The following SLC22A6 variants were observed in gnomAD, a reference collection of about 807,000 sequenced individuals.
SLC22A6 encodes the protein PAH transporter.
SLC22A6 carries 45 observed loss-of-function variants against 56.7 expected under a neutral mutation model. That is an observed-to-expected ratio of 0.79 (90% CI 0.63 to 1.02). SLC22A6 has a LOEUF of 1.02. SLC22A6 is among the 50% of genes least tolerant of loss of function. The pLI is 0.00. For synonymous variants in SLC22A6, 291 were observed against 295.9 expected, an observed-to-expected ratio of 0.98 and a Z score of 0.17; for missense variants, 606 against 713.8, an observed-to-expected ratio of 0.85 and a Z score of 1.72.
chr11:62,981,923 C>A lies in SLC22A6; in HGVS notation c.716G>T (p.Gly239Val). 2 of 1,614,140 alleles carry A rather than the reference C, an allele frequency of 1.2e-6. No homozygotes were observed. The highest frequency in any genetic ancestry group is 1.7e-6 in the Non-Finnish European group (2 of 1,180,014). Reference sequence around the variant, plus strand: ...CCAGTGGGGCACAGCGTAGGCCACACCAGCCAGGAGGAACTGGCCCAGGCT... The same window carrying A: ...CCAGTGGGGCACAGCGTAGGCCACAACAGCCAGGAGGAACTGGCCCAGGCT... The part of the protein sequence containing the change: ...VYSLGQFLLA[G>V]VAYAVPHWRH... Residue 239 changes from glycine to valine, a missense_variant, in exon 4 of 10, where the codon GGT becomes GTT. Coordinates refer to ENST00000360421, the MANE Select transcript of SLC22A6 (RefSeq NM_153276.3).
intron 1 of SLC22A6, 65 bp downstream of exon 1, chr11:62,984,257 T>TA: frequency 6.4e-7 from 1 of 1,550,762 alleles, no homozygotes. Flanking sequence ...TACTTTTTTT[T>TA]TTTTTTTAAC....
chr11:62,982,465 GC>G (rs1282035349), intron 3 of SLC22A6, among the ~76,000 whole-genome samples: 1 of 152,088 alleles, frequency 6.6e-6, no homozygotes, highest in African/African-American at 2.4e-5. Context: ...GTCTGGAGAG[GC>G]CTACCTCCTG....
chr11:62,976,663 G>A lies in SLC22A6; in HGVS notation c.*131C>T. The A allele has an allele frequency of 1.4e-6, 1 of 690,480 alleles. No individual in the cohort carries two copies. Among genetic ancestry groups the A allele is most frequent in the Non-Finnish European group, 2.4e-6 (1 of 408,536 alleles). 42.8% of individuals were successfully genotyped at this position (690,480 alleles called of 1,614,324 possible). ...GTTTATAAAGGGAGGTGGACCCCTG[G>A]GAAGATGCTTTCCTGAACCACAACC... is the stretch of plus-strand genomic sequence containing the variant. On this transcript the variant is annotated 3_prime_UTR_variant, in exon 10 of 10. Transcript: ENST00000360421.
At chr11:62,982,033 A>T in intron 3 of SLC22A6, 23 bp from the exon 4 acceptor site, 2 of 1,606,504 alleles carry the variant, frequency 1.2e-6, no homozygotes, top group Non-Finnish European at 1.7e-6. Flanking sequence ...TTAAGACAGG[A>T]TGCTGCAACT....
At chr11:62,981,540 C>G (rs1356559179) in intron 4 of SLC22A6, among the ~76,000 whole-genome samples, 157 bp from the exon 5 acceptor site, 1 of 152,154 alleles carries the variant, frequency 6.6e-6, no homozygotes, top group African/African-American at 2.4e-5. Flanking sequence ...GACCACGAGG[C>G]AGTGCCCAGC....
chr11:62,984,695 C>T lies in SLC22A6; in HGVS notation c.-5G>A, dbSNP rs1284710359. 1 of 1,611,024 alleles carries T rather than the reference C, an allele frequency of 6.2e-7. No homozygotes were observed. Among genetic ancestry groups the T allele is most frequent in the East Asian group, 2.2e-5 (1 of 44,846 alleles). ...CAGGAGGTCATTAAAGGCCATTGGGCCAGGCCCAGCCCAGTGGCTGGGGGC... is the reference window on the plus strand; with the variant it reads ...CAGGAGGTCATTAAAGGCCATTGGGTCAGGCCCAGCCCAGTGGCTGGGGGC... On this transcript the variant is annotated 5_prime_UTR_variant, in exon 1 of 10. Transcript: ENST00000360421.
At chr11:62,981,809 T>A in intron 4 of SLC22A6, 33 bp downstream of exon 4, 1 of 1,574,146 alleles carries the variant, frequency 6.4e-7, no homozygotes. Flanking sequence ...TGGGCTCCTG[T>A]GGCAACCACC....
chr11:62,982,196 A>G (rs1431108240), intron 3 of SLC22A6, among the ~76,000 whole-genome samples, 186 bp from the exon 4 acceptor site: 2 of 150,958 alleles, frequency 1.3e-5, no homozygotes, highest in Admixed American at 6.6e-5. Context: ...TGGGTTCAGA[A>G]TATCTGGGAA....
rs1485293667 is a variant in SLC22A6 at position 62,981,364 on chromosome 11, G to A, written c.817C>T (p.Arg273Cys). 8 of 1,589,500 alleles carry A rather than the reference G, an allele frequency of 5.0e-6. No homozygotes were observed. Among genetic ancestry groups the A allele is most frequent in the Admixed American group, 3.5e-5 (2 of 56,662 alleles). The change falls in exon 5 of 10, where the codon CGC becomes TGC. Residue 273 changes from arginine to cysteine, a missense_variant. Transcript: ENST00000360421. ...IYSWFFIESA[R>C]WHSSSGRLDL... The stretch of plus-strand genomic sequence containing the variant: ...AGCCTCCCGGAGGAGGAGTGCCAGC[G>A]GGCCGACTCAATGAAGAACCTGGGA...
At chr11:62,984,288 C>T in intron 1 of SLC22A6, 34 bp downstream of exon 1, 1 of 1,599,428 alleles carries the variant, frequency 6.3e-7, no homozygotes, top group Non-Finnish European at 8.5e-7. Flanking sequence ...ATCTTCCCAT[C>T]TTGGCCCCTG....
intron 1 of SLC22A6, 50 bp downstream of exon 1, chr11:62,984,272 G>GCCCCCATCTTCCCATCTTGGC (rs2086290939): frequency 3.2e-6 from 5 of 1,552,420 alleles, no homozygotes; most frequent in Non-Finnish European, 3.5e-6. Context: ...TTTAACAAAG[G>GCCCCCATCTTCCCATCTTGGC]CCCCCATCTT....
Position 62,981,955 on chromosome 11 carries a change from A to T in SLC22A6, c.684T>A (p.Tyr228Ter). The T allele has an allele frequency of 6.2e-7, 1 of 1,614,208 alleles. No individual in the cohort carries two copies. Among genetic ancestry groups the T allele is most frequent in the Non-Finnish European group, 8.5e-7 (1 of 1,180,018 alleles). The change falls in exon 4 of 10, where the codon TAT becomes TAA. Residue 228 changes from tyrosine (Y) to a stop codon, truncating the protein, a stop_gained. Transcript: ENST00000360421. LOFTEE classifies it high-confidence loss of function. ...TRACVGTLIG[Y>*]VYSLGQFLLA... The stretch of plus-strand genomic sequence containing the variant: ...GGAGGAACTGGCCCAGGCTGTAGAC[A>T]TAGCCAATCAAGGTGCCCACGCAGG...
intron 1 of SLC22A6, 74 bp from the exon 2 acceptor site, chr11:62,984,121 G>A: frequency 8.3e-7 from 1 of 1,207,668 alleles, no homozygotes; most frequent in South Asian, 1.4e-5. Context: ...ACTTCAGCTG[G>A]TCCTCTGGGG....
intron 8 of SLC22A6, 40 bp downstream of exon 8, chr11:62,979,448 C>G (rs1224493776): frequency 7.7e-7 from 1 of 1,305,826 alleles, no homozygotes; most frequent in South Asian, 1.2e-5. Flanking sequence ...TGTCTTTCCC[C>G]AGGAAAAGGC....
Position 62,981,444 on chromosome 11 carries a change from G to C in SLC22A6, c.798-61C>G. On this transcript the variant is annotated intron_variant, in intron 4 of 9. Transcript: ENST00000360421. Reference sequence around the variant, plus strand: ...TTCAGTTCCAGTCAGCTGGGTGGGGGGCTGGGGCTGGGCTTTCTAGGGGTC... The same window carrying C: ...TTCAGTTCCAGTCAGCTGGGTGGGGCGCTGGGGCTGGGCTTTCTAGGGGTC... 3.5e-6 allele frequency: 3 copies of C among 849,726 alleles called. No homozygotes were observed. The South Asian group carries it at 5.2e-5, about 15-fold the overall frequency. 52.6% of individuals were successfully genotyped at this position (849,726 alleles called of 1,614,324 possible).
At chr11:62,979,196 A>G (rs1031054298) in intron 8 of SLC22A6, among the ~76,000 whole-genome samples, 1 of 152,190 alleles carries the variant, frequency 6.6e-6, no homozygotes, top group African/African-American at 2.4e-5. Context: ...TTAAAGGAAG[A>G]CTTCAATTTG....
At position 62,984,736 on chromosome 11, in the gene SLC22A6, C is replaced by T; in HGVS notation, c.-46G>A. 6.4e-7 allele frequency: 1 copy of T among 1,568,316 alleles called. No individual in the cohort carries two copies. ...GGCTGGGGGCTGAGGCCTTCCAGTC[C>T]CAGGACCTCTGTCTGTCTGCCTGCC... On this transcript the variant is annotated 5_prime_UTR_variant, in exon 1 of 10. Coordinates refer to ENST00000360421, the MANE Select transcript of SLC22A6 (RefSeq NM_153276.3).
rs2086231996 is a variant in SLC22A6 at position 62,979,771 on chromosome 11, T to C, written c.1215A>G (p.Ala405=). 3.7e-6 allele frequency: 6 copies of C among 1,614,190 alleles called. No individual in the cohort carries two copies. The highest frequency in any genetic ancestry group is 5.1e-6 in the Non-Finnish European group (6 of 1,180,028). ...RPAQMAALLL[A]GICILLNGVI... is the part of the protein sequence containing the mutation. ...CCCCATTGAGCAGGATGCAGATGCCTGCCAGCAGCAGTGCAGCCATCTGGG... is the reference window on the plus strand; with the variant it reads ...CCCCATTGAGCAGGATGCAGATGCCCGCCAGCAGCAGTGCAGCCATCTGGG... Residue 405 remains alanine (A), a synonymous_variant, in exon 7 of 10, where the codon GCA becomes GCG. Coordinates refer to ENST00000360421, the MANE Select transcript of SLC22A6 (RefSeq NM_153276.3).
intron 6 of SLC22A6, 78 bp from the exon 7 acceptor site, chr11:62,980,026 C>T: frequency 1.0e-6 from 1 of 971,320 alleles, no homozygotes; most frequent in Non-Finnish European, 1.6e-6. Context: ...AGTGGGGGAA[C>T]TGCATTGGGT....
Sources: allele counts gnomAD v4.1 joint callset (sites outside exome capture counted in the v4.1 genomes callset), GRCh38; gene constraint gnomAD v4.1.1; transcripts MANE v1.5; gene names NCBI Gene and HGNC (gene_info 2026-07-23, HGNC 2026-07-21).